Variants in CCDC125 observed in about 807,000 individuals in gnomAD.
CCDC125 encodes the protein coiled-coil domain-containing protein 125.
A neutral mutation model predicts 57.4 loss-of-function variants in CCDC125; 43 were observed. The observed-to-expected ratio is 0.75, with a 90% confidence interval of 0.59 to 0.97. The LOEUF (loss-of-function observed/expected upper bound fraction) is 0.97. CCDC125 is among the 50% of genes least tolerant of loss of function. The pLI, the probability that CCDC125 is intolerant of heterozygous loss-of-function variation, is 0.00. For missense variants in CCDC125, 563 were observed against 595.7 expected, an observed-to-expected ratio of 0.95 and a Z score of 0.57; for synonymous variants, 187 against 195.2, an observed-to-expected ratio of 0.96 and a Z score of 0.35.
At chr5:69,327,249 C>T (rs2150670340) in intron 1 of CCDC125, among the ~76,000 whole-genome samples, 1 of 152,028 alleles carries the variant, frequency 6.6e-6, no homozygotes, top group African/African-American at 2.4e-5. Context: ...TGCCCGCCAC[C>T]ACGCCCGGCT....
intron 7 of CCDC125, among the ~76,000 whole-genome samples, chr5:69,303,209 G>GT (rs1554078135): frequency 6.6e-6 from 1 of 151,804 alleles, no homozygotes; most frequent in African/African-American, 2.4e-5. Flanking sequence ...TGTTGTTGTT[G>GT]TTGTTTGTTT....
intron 4 of CCDC125, chr5:69,309,305 G>C (rs1009351865): frequency 8.5e-5 from 13 of 152,214 alleles, no homozygotes; most frequent in African/African-American, 2.9e-4. Context: ...AGAAGTCTCG[G>C]AGGAAAAAAT....
intron 7 of CCDC125, among the ~76,000 whole-genome samples, chr5:69,302,598 A>G (rs551283864): frequency 1.3e-5 from 2 of 151,512 alleles, no homozygotes; most frequent in South Asian, 2.1e-4. Context: ...GGTGGCATGC[A>G]CCTGTAGTCC....
At chr5:69,306,389 C>T (rs142874827) in intron 6 of CCDC125, among the ~76,000 whole-genome samples, 6 of 152,174 alleles carry the variant, frequency 3.9e-5, no homozygotes, top group East Asian at 1.9e-4. Context: ...AGTGCAGTGG[C>T]GCAATCATGG....
At chr5:69,297,292 C>G (rs894579415) in intron 8 of CCDC125, among the ~76,000 whole-genome samples, 1 of 152,016 alleles carries the variant, frequency 6.6e-6, no homozygotes, top group African/African-American at 2.4e-5. Context: ...CCACCTGCCT[C>G]GGCATCCCAA....
chr5:69,311,199 T>A lies in CCDC125; in HGVS notation c.372A>T (p.Val124=), dbSNP rs766806855. The A allele has an allele frequency of 6.3e-7, 1 of 1,599,286 alleles. No homozygotes were observed. Among genetic ancestry groups the A allele is most frequent in the Non-Finnish European group, 8.6e-7 (1 of 1,167,804 alleles). ...RQCLNETLEE[V]EMLKTELEAS... ...CCTCAAGTTCAGTTTTTAACATTTC[T>A]ACCTCCTGAGGACAGAAAGAAAATT... is the stretch of plus-strand genomic sequence containing the variant. The change falls in exon 4 of 12, where the codon GTA becomes GTT. Residue 124 remains valine, a synonymous_variant. Coordinates refer to ENST00000396496, the MANE Select transcript of CCDC125 (RefSeq NM_176816.5).
chr5:69,301,664 G>A (rs569468300), intron 7 of CCDC125, among the ~76,000 whole-genome samples: 2 of 151,852 alleles, frequency 1.3e-5, no homozygotes, highest in Non-Finnish European at 2.9e-5. Flanking sequence ...GAACTCGGGA[G>A]GAGGAGGTTG....
chr5:69,273,439 T>G, the CCDC125 span, among the ~76,000 whole-genome samples: 4 of 152,226 alleles, frequency 2.6e-5, no homozygotes, highest in Admixed American at 1.3e-4. Flanking sequence ...TTTGTTCGGC[T>G]TATTTTTTCT....
chr5:69,315,645 C>T lies in CCDC125; in HGVS notation c.305-1599G>A, dbSNP rs372266327. ...TGGTGGCGGGCGCCTGTAATCCCTG[C>T]TACTCAGGAGGCTGAGGCATGAGAA... is the stretch of plus-strand genomic sequence containing the variant. On this transcript the variant is annotated intron_variant, in intron 2 of 11. Transcript: ENST00000396496. 4.0e-5 allele frequency among the ~76,000 whole-genome samples: 6 copies of T among 151,042 alleles called. 1 individual carries two copies. In the South Asian group the frequency reaches 1.2e-3, roughly 31 times the overall value.
At chr5:69,292,892 G>A (rs761414326) in intron 9 of CCDC125, among the ~76,000 whole-genome samples, 28 of 150,604 alleles carry the variant, frequency 1.9e-4, no homozygotes, top group Non-Finnish European at 3.5e-4. Context: ...CCAGGCTGGA[G>A]TGCAGTGTCG....
At chr5:69,320,171 T>G in intron 2 of CCDC125, 66 bp downstream of exon 2, 2 of 1,327,376 alleles carry the variant, frequency 1.5e-6, no homozygotes, top group Non-Finnish European at 2.1e-6. Flanking sequence ...TTTTAGATTT[T>G]GGAAGGGTTA....
chr5:69,284,519 TAAC>T (rs1752999115), intron 11 of CCDC125, among the ~76,000 whole-genome samples: 1 of 152,138 alleles, frequency 6.6e-6, no homozygotes, highest in South Asian at 2.1e-4. Flanking sequence ...TGGCTGGAGT[TAAC>T]TACAGGAGCC....
chr5:69,294,087 T>C, intron 9 of CCDC125: 2 of 942,930 alleles, frequency 2.1e-6, no homozygotes, highest in Non-Finnish European at 2.5e-6. Flanking sequence ...GGGACAAAGG[T>C]TCCTTTCACT....
downstream of CCDC125, chr5:69,277,147 GACA>G (rs1446391648): frequency 6.3e-7 from 1 of 1,591,594 alleles, no homozygotes; most frequent in African/African-American, 1.4e-5. Context: ...GAGAACACTG[GACA>G]ACATTTTACT....
At chr5:69,299,212 C>T (rs1051949495) in intron 8 of CCDC125, among the ~76,000 whole-genome samples, 1 of 151,974 alleles carries the variant, frequency 6.6e-6, no homozygotes, top group East Asian at 1.9e-4. Context: ...TGGGTTCACG[C>T]CATTCTCCTG....
chr5:69,287,777 C>T (rs1753756726), intron 10 of CCDC125, among the ~76,000 whole-genome samples: 1 of 151,642 alleles, frequency 6.6e-6, no homozygotes, highest in African/African-American at 2.4e-5. Flanking sequence ...CTATGTTGCC[C>T]AGCCTGGTCT....
At chr5:69,286,295 A>G (rs1264865372) in intron 10 of CCDC125, among the ~76,000 whole-genome samples, 8 of 140,634 alleles carry the variant, frequency 5.7e-5, no homozygotes, top group South Asian at 4.6e-4. Context: ...GCAGTGGCGC[A>G]ATCTCGGCTC....
chr5:69,299,775 G>C (rs1309004269), intron 8 of CCDC125, among the ~76,000 whole-genome samples: 1 of 152,202 alleles, frequency 6.6e-6, no homozygotes, highest in Non-Finnish European at 1.5e-5. Flanking sequence ...CTGTAAAGAT[G>C]AGAAATAAAC....
At chr5:69,307,821 A>G (rs1327804456) in intron 5 of CCDC125, 130 bp downstream of exon 5, 1 of 663,812 alleles carries the variant, frequency 1.5e-6, no homozygotes, top group Non-Finnish European at 2.7e-6. Flanking sequence ...AAAAGGGAAG[A>G]CCATCAGAAC....
Sources: gnomAD v4.1 joint callset for allele counts (sites outside exome capture counted in the v4.1 genomes callset) on GRCh38, gnomAD v4.1.1 for gene constraint, MANE v1.5 for transcripts, NCBI Gene and HGNC (gene_info 2026-07-23, HGNC 2026-07-21) for gene names.